GAS2: variants seen among roughly 807,000 people sequenced by gnomAD.
The protein encoded by GAS2 is growth arrest specific 2, also known as growth arrest-specific protein 2.
A neutral mutation model predicts 37.5 loss-of-function variants in GAS2; 20 were observed. That is an observed-to-expected ratio of 0.53 (90% CI 0.37 to 0.77). GAS2 has a LOEUF of 0.77. Among genes scored for constraint, GAS2 ranks in the 30% least tolerant of loss-of-function variants. GAS2 has a pLI of 0.00. For missense variants in GAS2, 336 were observed against 373.4 expected, an observed-to-expected ratio of 0.90 and a Z score of 0.82; for synonymous variants, 144 against 132.2, an observed-to-expected ratio of 1.09 and a Z score of -0.61.
intron 7 of GAS2, among the ~76,000 whole-genome samples, chr11:22,757,420 A>C (rs972170782): frequency 1.3e-5 from 2 of 152,134 alleles, no homozygotes; most frequent in East Asian, 1.9e-4. Context: ...TGTACTGAAA[A>C]AATTGTATCA....
intron 1 of GAS2, among the ~76,000 whole-genome samples, chr11:22,629,403 A>G (rs1858714207): frequency 6.6e-6 from 1 of 151,984 alleles, no homozygotes; most frequent in Non-Finnish European, 1.5e-5. Flanking sequence ...TAGAGGCTGT[A>G]CTGGTTTGGA....
chr11:22,660,834 C>T (rs893867361), intron 1 of GAS2, among the ~76,000 whole-genome samples: 2 of 152,192 alleles, frequency 1.3e-5, no homozygotes, highest in African/African-American at 2.4e-5. Flanking sequence ...GACCCTATTC[C>T]CAGGCAGTTC....
At chr11:22,721,321 A>G (rs1484613568) in intron 3 of GAS2, among the ~76,000 whole-genome samples, 1 of 152,068 alleles carries the variant, frequency 6.6e-6, no homozygotes, top group Non-Finnish European at 1.5e-5. Flanking sequence ...CTCCAGATGC[A>G]GATTATTACA....
At position 22,626,135 on chromosome 11, in the gene GAS2, T is replaced by TAGAAA. The variant is rs2307895; in HGVS notation, c.-21+323_-21+327dup. On this transcript the variant is annotated intron_variant, in intron 1 of 5. Transcript: ENST00000528582. Reference sequence around the variant, plus strand: ...CTTTCGCTTTGGAAATATCCTTAAGTAGAAATTTTCTGAGCTTTGCCTAAA... The same window carrying TAGAAA: ...CTTTCGCTTTGGAAATATCCTTAAGTAGAAAAGAAATTTTCTGAGCTTTGCCTAAA... The TAGAAA allele has an allele frequency of 0.77, 290,846 of 377,598 alleles. 116,684 individuals are homozygous for TAGAAA. The highest frequency in any genetic ancestry group is 0.9 in the East Asian group (17,074 of 18,952). The allele number at this position is 377,598 out of a possible 1,614,324, so 23.4% of individuals were successfully genotyped here.
intron 7 of GAS2, among the ~76,000 whole-genome samples, chr11:22,781,320 T>C (rs1401432549): frequency 1.3e-5 from 2 of 152,000 alleles, no homozygotes; most frequent in African/African-American, 4.8e-5. Flanking sequence ...ACGTGGAGAG[T>C]TAGATTAAAT....
At chr11:22,761,593 C>G (rs1273483804) in intron 7 of GAS2, among the ~76,000 whole-genome samples, 1 of 152,074 alleles carries the variant, frequency 6.6e-6, no homozygotes, top group Non-Finnish European at 1.5e-5. Flanking sequence ...AGAAGATGTT[C>G]AAAAATATTA....
chr11:22,745,267 C>T (rs972757005), intron 5 of GAS2, among the ~76,000 whole-genome samples: 2 of 151,924 alleles, frequency 1.3e-5, no homozygotes, highest in African/African-American at 4.8e-5. Flanking sequence ...CAAAAACAGA[C>T]AGAACAATGA....
chr11:22,693,323 T>C (rs1850344691), intron 3 of GAS2, among the ~76,000 whole-genome samples: 1 of 152,214 alleles, frequency 6.6e-6, no homozygotes, highest in Non-Finnish European at 1.5e-5. Flanking sequence ...TACCAGGATA[T>C]TGAGTGATAA....
At chr11:22,776,315 C>T (rs1177660048) in intron 7 of GAS2, among the ~76,000 whole-genome samples, 3 of 151,654 alleles carry the variant, frequency 2.0e-5, no homozygotes, top group Admixed American at 6.6e-5. Flanking sequence ...AATGAATTTG[C>T]GTGGTGGCTG....
intron 4 of GAS2, among the ~76,000 whole-genome samples, chr11:22,731,823 A>T (rs1264296866): frequency 6.6e-6 from 1 of 151,686 alleles, no homozygotes; most frequent in Non-Finnish European, 1.5e-5. Context: ...ATTTCAGGAT[A>T]CTCATTCAGC....
chr11:22,753,925 A>T (rs1194561900), intron 6 of GAS2, among the ~76,000 whole-genome samples: 1 of 152,114 alleles, frequency 6.6e-6, no homozygotes. Context: ...GTTCTGCATT[A>T]TTGGAAGGAA....
chr11:22,722,730 G>A (rs1852006764), intron 3 of GAS2, among the ~76,000 whole-genome samples: 1 of 151,830 alleles, frequency 6.6e-6, no homozygotes. Context: ...TTCTAATACA[G>A]AGTATTTGGT....
chr11:22,806,806 A>G (rs1856916596), intron 7 of GAS2, among the ~76,000 whole-genome samples: 1 of 152,164 alleles, frequency 6.6e-6, no homozygotes, highest in Admixed American at 6.5e-5. Flanking sequence ...TCATGGAGAG[A>G]GGTTGTAAGG....
At chr11:22,708,593 A>T (rs952180458) in intron 3 of GAS2, among the ~76,000 whole-genome samples, 5 of 151,936 alleles carry the variant, frequency 3.3e-5, no homozygotes, top group Non-Finnish European at 5.9e-5. Flanking sequence ...ACTTATGACC[A>T]CTCCATTCTG....
intron 4 of GAS2, 76 bp downstream of exon 4, chr11:22,726,509 A>C: frequency 7.5e-7 from 1 of 1,331,330 alleles, no homozygotes; most frequent in South Asian, 1.3e-5. Context: ...AGCCATCAAA[A>C]AGTTTTTTGT....
At position 22,660,120 on chromosome 11, in the gene GAS2, T is replaced by C. The variant is rs11026720; in HGVS notation, c.-20-14730T>C. ...AGCTTTTTAAAAACCATTTTTGCTA[T>C]TGGAATGAGCTCCCGGAAAGCAGGG... is the stretch of plus-strand genomic sequence containing the variant. On this transcript the variant is annotated intron_variant, in intron 1 of 5. Transcript: ENST00000528582. Among the ~76,000 whole-genome samples, 557 of 152,278 alleles carry C rather than the reference T, an allele frequency of 3.7e-3. 12 individuals are homozygous for C. The East Asian group carries it at 0.075, about 20-fold the overall frequency.
At chr11:22,662,891 A>AT (rs1217670546), upstream of GAS2, among the ~76,000 whole-genome samples, 1 of 150,406 alleles carries the variant, frequency 6.6e-6, no homozygotes, top group African/African-American at 2.5e-5. Flanking sequence ...CAAAAAAAAA[A>AT]AAAATAAAAA....
chr11:22,730,967 A>G (rs1193361756), intron 4 of GAS2, among the ~76,000 whole-genome samples: 1 of 151,824 alleles, frequency 6.6e-6, no homozygotes, highest in African/African-American at 2.4e-5. Context: ...TAAGTTTTAC[A>G]ATTTAAATTA....
intron 7 of GAS2, among the ~76,000 whole-genome samples, chr11:22,782,623 C>T (rs1300199212): frequency 1.3e-5 from 2 of 151,528 alleles, no homozygotes; most frequent in African/African-American, 4.9e-5. Context: ...CACATGTACC[C>T]AGAATTTAGC....
Sources: allele counts gnomAD v4.1 joint callset (sites outside exome capture counted in the v4.1 genomes callset), GRCh38; gene constraint gnomAD v4.1.1; transcripts MANE v1.5; gene names NCBI Gene and HGNC (gene_info 2026-07-23, HGNC 2026-07-21).